The following DENND4A variants were observed in gnomAD, a reference collection of about 807,000 sequenced individuals.
DENND4A encodes C-myc promoter-binding protein.
Under a neutral mutation model 199.3 loss-of-function variants are expected in DENND4A, and 70 were observed. That is an observed-to-expected ratio of 0.35 (90% confidence interval 0.29 to 0.43). The LOEUF (loss-of-function observed/expected upper bound fraction) is 0.43, where lower values mean the gene tolerates loss of function less well. Ranked by LOEUF, DENND4A falls within the 20% of genes least tolerant of loss-of-function variation. The pLI is 1.00. For missense variants in DENND4A, 1,723 were observed against 2,255.8 expected (o/e 0.76, Z 4.78); for synonymous variants, 686 against 766.9 (o/e 0.89, Z 1.74).
chr15:65,673,172 T>G (rs933302902), intron 24 of DENND4A, among the ~76,000 whole-genome samples: 131 of 151,322 alleles, frequency 8.7e-4, no homozygotes, highest in African/African-American at 3.0e-3. Flanking sequence ...AGGACTGGTA[T>G]TTTTATAAAG....
chr15:65,729,156 A>G lies in DENND4A; in HGVS notation c.1403T>C (p.Val468Ala). 2 of 1,591,104 alleles carry G rather than the reference A, an allele frequency of 1.3e-6. No individual in the cohort carries two copies. Among genetic ancestry groups the G allele is most frequent in the Non-Finnish European group, 8.6e-7 (1 of 1,167,676 alleles). Reference protein sequence around the residue: ...DVLSAPCPFIVGIDSRYFDLY... With the variant: ...DVLSAPCPFIAGIDSRYFDLY... The stretch of plus-strand genomic sequence containing the variant: ...ATCAAAGTATCTTGAATCAATCCCT[A>G]CTATGAATGGACATGGTGCACTCAA... The change falls in exon 11 of 33, where the codon GTA (valine) becomes GCA (alanine). Residue 468 changes from valine to alanine, a missense_variant. Transcript: ENST00000443035.
intron 14 of DENND4A, among the ~76,000 whole-genome samples, chr15:65,712,495 C>A: frequency 6.6e-6 from 1 of 152,146 alleles, no homozygotes; most frequent in East Asian, 1.9e-4. Context: ...CATATAAAGA[C>A]TAAATGACTA....
chr15:65,747,140 A>T (rs2076424658), intron 4 of DENND4A, among the ~76,000 whole-genome samples: 1 of 152,014 alleles, frequency 6.6e-6, no homozygotes, highest in Admixed American at 6.6e-5. Flanking sequence ...GAGAGTCAAA[A>T]ACTAAGGAGA....
chr15:65,742,450 ATT>A (rs772887480), intron 4 of DENND4A, among the ~76,000 whole-genome samples: 26 of 134,330 alleles, frequency 1.9e-4, no homozygotes, highest in Admixed American at 2.2e-4. Context: ...TGACTGGCTG[ATT>A]TTTTTTTTTT....
intron 5 of DENND4A, among the ~76,000 whole-genome samples, chr15:65,740,966 C>A (rs765570480): frequency 2.0e-5 from 3 of 151,698 alleles, no homozygotes; most frequent in African/African-American, 7.3e-5. Flanking sequence ...CGTACCCCCC[C>A]CAAAAAAAAT....
At chr15:65,741,243 T>A (rs566468984) in intron 5 of DENND4A, among the ~76,000 whole-genome samples, 1 of 152,264 alleles carries the variant, frequency 6.6e-6, no homozygotes, top group African/African-American at 2.4e-5. Context: ...AAAGGCTGAA[T>A]CTGTTCTCTT....
chr15:65,757,618 G>T (rs1326106892), intron 2 of DENND4A, among the ~76,000 whole-genome samples: 1 of 152,084 alleles, frequency 6.6e-6, no homozygotes, highest in Non-Finnish European at 1.5e-5. Context: ...TTCACACTTG[G>T]GTTTGGGGTT....
intron 14 of DENND4A, among the ~76,000 whole-genome samples, chr15:65,709,028 T>A (rs1237917487): frequency 6.6e-6 from 1 of 152,230 alleles, no homozygotes; most frequent in Non-Finnish European, 1.5e-5. Context: ...TGAGAATAAG[T>A]GAATAACAGT....
chr15:65,717,694 T>G, intron 13 of DENND4A, 84 bp downstream of exon 13: 193 of 1,185,436 alleles, frequency 1.6e-4, no homozygotes, highest in Middle Eastern at 2.4e-4. Flanking sequence ...CTCATAAATA[T>G]GAGCTATTAA....
intron 24 of DENND4A, among the ~76,000 whole-genome samples, chr15:65,674,521 G>C (rs1596398506): frequency 6.6e-6 from 1 of 152,244 alleles, no homozygotes; most frequent in South Asian, 2.1e-4. Context: ...CCAGCACTTT[G>C]GGAAGCCAAT....
At chr15:65,742,340 G>A (rs777255278) in intron 4 of DENND4A, among the ~76,000 whole-genome samples, 26 of 151,980 alleles carry the variant, frequency 1.7e-4, no homozygotes, top group Non-Finnish European at 3.2e-4. Flanking sequence ...CTGGAGTGCA[G>A]TGGTGCGATC....
At chr15:65,767,464 A>G (rs1327333658) in intron 1 of DENND4A, 1 of 152,166 alleles carries the variant, frequency 6.6e-6, no homozygotes, top group Non-Finnish European at 1.5e-5. Context: ...TTTATTTGGC[A>G]CAAAGACTCA....
chr15:65,709,437 G>A (rs914239244), intron 14 of DENND4A, among the ~76,000 whole-genome samples: 1 of 151,926 alleles, frequency 6.6e-6, no homozygotes, highest in East Asian at 1.9e-4. Context: ...CGGGCACGGC[G>A]GCTCATGCCT....
intron 21 of DENND4A, chr15:65,696,909 T>A: frequency 3.1e-6 from 1 of 321,268 alleles, no homozygotes; most frequent in Non-Finnish European, 6.0e-6. Context: ...GAATACCCAA[T>A]CATCATGCTC....
At position 65,696,185 on chromosome 15, in the gene DENND4A, A is replaced by G. The variant is rs538069915; in HGVS notation, c.3082+181T>C. ...TACCCCTATGCCTTGCTATAATACA[A>G]GCTTGAACACAGCATGTTATAAAAT... is the stretch of plus-strand genomic sequence containing the variant. On this transcript the variant is annotated intron_variant, in intron 22 of 32. Coordinates refer to ENST00000443035, the MANE Select transcript of DENND4A (RefSeq NM_001320835.1). The G allele has an allele frequency of 3.7e-5, 24 of 641,606 alleles. No individual in the cohort carries two copies. In the African/African-American group the frequency reaches 3.7e-4, roughly 10 times the overall value. 39.7% of individuals were successfully genotyped at this position (641,606 alleles called of 1,614,324 possible).
At chr15:65,791,840 C>T (rs1484298070) in intron 1 of DENND4A, among the ~76,000 whole-genome samples, 170 bp downstream of exon 1, 1 of 152,178 alleles carries the variant, frequency 6.6e-6, no homozygotes, top group Non-Finnish European at 1.5e-5. Context: ...CGGGGCGGAC[C>T]GAGCCGCGGA....
chr15:65,791,463 C>A (rs1289489817), intron 1 of DENND4A, among the ~76,000 whole-genome samples: 3 of 143,576 alleles, frequency 2.1e-5, no homozygotes, highest in Non-Finnish European at 3.0e-5. Flanking sequence ...CACCACACAC[C>A]CCCCCAAAAA....
At position 65,659,890 on chromosome 15, in the gene DENND4A, T is replaced by C. The variant is rs1445124053; in HGVS notation, c.*1961A>G. The C allele has an allele frequency of 6.3e-6, 1 of 157,836 alleles. No individual in the cohort carries two copies. The highest frequency in any genetic ancestry group is 1.4e-5 in the Non-Finnish European group (1 of 71,808). 9.8% of individuals were successfully genotyped at this position (157,836 alleles called of 1,614,324 possible). A position where few individuals can be genotyped will look rare whatever the true frequency, so the allele number is the denominator to read the frequency against. On this transcript the variant is annotated 3_prime_UTR_variant, in exon 33 of 33. Coordinates refer to ENST00000443035, the MANE Select transcript of DENND4A (RefSeq NM_001320835.1). ...GTTTTACTCATTCTTTGTCAGCCAT[T>C]TGAAATCAATAAACTATGATTCCTA...
chr15:65,778,624 T>C (rs28640237), intron 1 of DENND4A, among the ~76,000 whole-genome samples: 84,968 of 151,972 alleles, frequency 0.56, 26,168 homozygotes, highest in African/African-American at 0.82. Context: ...GCAGGCCAGA[T>C]GCAGTGGCTC....
Sources: gnomAD v4.1 joint callset for allele counts (sites outside exome capture counted in the v4.1 genomes callset) on GRCh38, gnomAD v4.1.1 for gene constraint, MANE v1.5 for transcripts, NCBI Gene and HGNC (gene_info 2026-07-23, HGNC 2026-07-21) for gene names.